SNAPC4: variants seen among roughly 807,000 people sequenced by gnomAD.
SNAPC4 encodes snRNA-activating protein complex subunit 4.
SNAPC4 carries 127 observed loss-of-function variants against 151.3 expected under a neutral mutation model. The ratio of observed to expected loss-of-function variants is 0.84; its 90% confidence interval spans 0.73 to 0.97. SNAPC4 has a LOEUF of 0.97. Among genes scored for constraint, SNAPC4 ranks in the 50% least tolerant of loss-of-function variants. The pLI, the probability that SNAPC4 is intolerant of heterozygous loss-of-function variation, is 0.00. For missense variants in SNAPC4, 2,186 were observed against 1,935.0 expected (o/e 1.13, Z -2.43); for synonymous variants, 1,002 against 824.4 (o/e 1.22, Z -3.69).
chr9:136,388,613 C>T lies in SNAPC4; in HGVS notation c.976-22G>A, dbSNP rs145743815. ...TGGTCTTCCCAGGCCCAAACAAAAGCAAATGAGTGTTACTGCGCGGCAGGA... is the reference window on the plus strand; with the variant it reads ...TGGTCTTCCCAGGCCCAAACAAAAGTAAATGAGTGTTACTGCGCGGCAGGA... On this transcript the variant is annotated intron_variant, in intron 10 of 23. Coordinates refer to ENST00000684778, the MANE Select transcript of SNAPC4 (RefSeq NM_003086.4). 939 of 1,613,702 alleles carry T rather than the reference C, an allele frequency of 5.8e-4. 5 individuals carry two copies. In the African/African-American group the frequency reaches 0.012, roughly 20 times the overall value.
chr9:136,399,015 C>G (rs1328582792), intron 1 of SNAPC4, among the ~76,000 whole-genome samples: 2 of 152,226 alleles, frequency 1.3e-5, no homozygotes, highest in African/African-American at 4.8e-5. Context: ...TCCAGAACAA[C>G]GCCTGGAACG....
chr9:136,396,773 G>A (rs957069788), intron 3 of SNAPC4, among the ~76,000 whole-genome samples: 9 of 152,230 alleles, frequency 5.9e-5, no homozygotes, highest in African/African-American at 1.9e-4. Flanking sequence ...AACCCAAGGG[G>A]TGTGATCACC....
rs61745672 is a variant in SNAPC4, at chr9:136,376,449, G to A, written c.4317C>T (p.Ser1439=). The A allele has an allele frequency of 0.084, 136,221 of 1,613,346 alleles. 6,504 individuals carry two copies. The highest frequency in any genetic ancestry group is 0.1 in the Non-Finnish European group (118,646 of 1,179,840). Residue 1439 remains serine, a synonymous_variant, in exon 23 of 24, where the codon TCC becomes TCT. Coordinates refer to ENST00000684778, the MANE Select transcript of SNAPC4 (RefSeq NM_003086.4). ...GAPDSGKCSA[S]SCLDTSNDPD... ...GGTCATTAGAAGTATCCAGGCAGGA[G>A]GAAGCAGAGCATTTACCAGAGTCTG...
In SNAPC4 at chr9:136,383,392, C is replaced by T; in HGVS notation, c.1777G>A (p.Gly593Ser). The T allele has an allele frequency of 6.3e-7, 1 of 1,584,346 alleles. No homozygotes were observed. Among genetic ancestry groups the T allele is most frequent in the Non-Finnish European group, 8.6e-7 (1 of 1,165,332 alleles). Residue 593 changes from glycine to serine, a missense_variant, in exon 16 of 24, where the codon GGC becomes AGC. Physicochemically the swap from Gly to Ser is moderately conservative, Grantham distance 56 (BLOSUM62 0). Coordinates refer to ENST00000684778, the MANE Select transcript of SNAPC4 (RefSeq NM_003086.4). This position sits in a 1 kb window ranked among gnomAD's most constrained non-coding sequence, Gnocchi z 4.2. Reference sequence around the variant, plus strand: ...GGAGGGCTGAGGGAGGCAGCGGGGCCTCCCAGCCAGGCCCCTGCCCCTCCT... The same window carrying T: ...GGAGGGCTGAGGGAGGCAGCGGGGCTTCCCAGCCAGGCCCCTGCCCCTCCT... The part of the protein sequence containing the change: ...WRGGAGAWLG[G>S]PAASLSPPKG...
intron 10 of SNAPC4, among the ~76,000 whole-genome samples, chr9:136,389,367 T>C (rs1000501133): frequency 1.3e-5 from 2 of 151,736 alleles, no homozygotes; most frequent in African/African-American, 2.4e-5. Flanking sequence ...GGACGTGCTG[T>C]GAGGTTTGCT....
intron 1 of SNAPC4, 35 bp from the exon 2 acceptor site, chr9:136,398,472 C>T: frequency 1.3e-6 from 2 of 1,598,360 alleles, no homozygotes; most frequent in Non-Finnish European, 1.7e-6. Flanking sequence ...TGTTAGAAAC[C>T]AAGACCGTGC....
In SNAPC4 at chr9:136,387,829, C is replaced by T; in HGVS notation, c.1143G>A (p.Gly381=). ...GGTAGATCAGCTGCATGGAGTCTCT[C>T]CCTTCCATATAGTAGACAACTAGGG... ...PYRRIVYYME[G]RDSMQLIYRW... is the part of the protein sequence containing the mutation. The change falls in exon 12 of 24, where the codon GGG becomes GGA. Residue 381 remains glycine, a synonymous_variant. Transcript: ENST00000684778. The T allele has an allele frequency of 1.2e-6, 2 of 1,605,824 alleles. No individual in the cohort carries two copies. The highest frequency in any genetic ancestry group is 8.5e-7 in the Non-Finnish European group (1 of 1,172,712).
At chr9:136,391,637 C>T (rs372200847) in intron 10 of SNAPC4, among the ~76,000 whole-genome samples, 227 of 152,288 alleles carry the variant, frequency 1.5e-3, no homozygotes, top group African/African-American at 5.0e-3. Context: ...AATAAACTCC[C>T]GAGGCTGATG....
In SNAPC4 at chr9:136,383,203, C is replaced by T. The variant is rs1833761842; in HGVS notation, c.1966G>A (p.Glu656Lys). 3.2e-6 allele frequency: 5 copies of T among 1,544,248 alleles called. No individual in the cohort carries two copies. Among genetic ancestry groups the T allele is most frequent in the South Asian group, 1.2e-5 (1 of 80,750 alleles). Residue 656 changes from glutamate (E) to lysine (K), a missense_variant, in exon 16 of 24, where the codon GAG becomes AAG. Coordinates refer to ENST00000684778, the MANE Select transcript of SNAPC4 (RefSeq NM_003086.4). The surrounding 1 kb of genome is among the most constrained non-coding windows in gnomAD (Gnocchi z 4.2). ...GGGCCTACCTCCAGGGCCTGCTTCT[C>T]TGCGCCCGCCGGGCGAGTGTCTGCT... Reference protein sequence around the residue: ...HSADTRPAGAEKQALEGGRRL... With the variant: ...HSADTRPAGAKKQALEGGRRL...
rs772631637 is a variant in SNAPC4, at chr9:136,384,728, T to C, written c.1412A>G (p.Tyr471Cys). The stretch of plus-strand genomic sequence containing the variant: ...AACTGTCAGCAACTTACCGACACCA[T>C]ATTTTTCTATTAATTCAATTAACTG... Reference protein sequence around the residue: ...EEQLIELIEKYGVGHWAKIAS... With the variant: ...EEQLIELIEKCGVGHWAKIAS... Residue 471 changes from tyrosine to cysteine, a missense_variant, in exon 14 of 24, where the codon TAT (tyrosine) becomes TGT (cysteine). Coordinates refer to ENST00000684778, the MANE Select transcript of SNAPC4 (RefSeq NM_003086.4). 1.3e-6 allele frequency: 2 copies of C among 1,510,060 alleles called. No individual in the cohort carries two copies. The highest frequency in any genetic ancestry group is 1.8e-6 in the Non-Finnish European group (2 of 1,100,868). 93.5% of individuals were successfully genotyped at this position (1,510,060 alleles called of 1,614,324 possible). A position where few individuals can be genotyped will look rare whatever the true frequency, so the allele number is the denominator to read the frequency against.
intron 5 of SNAPC4, 75 bp downstream of exon 5, chr9:136,395,223 C>T: frequency 6.5e-7 from 1 of 1,543,536 alleles, no homozygotes; most frequent in Non-Finnish European, 8.8e-7. Context: ...CGACTCCCTG[C>T]AGCAGGACTT....
Position 136,388,723 on chromosome 9 carries a change from T to C in SNAPC4, c.976-132A>G, listed in dbSNP as rs73670246. On this transcript the variant is annotated intron_variant, in intron 10 of 23. Coordinates refer to ENST00000684778, the MANE Select transcript of SNAPC4 (RefSeq NM_003086.4). ...ACCCTTCTGCAGACCCCAGCTCTCC[T>C]CCTCCCAGACTCCTGTGGGCTGATG... The C allele has an allele frequency of 2.3e-3, 2,297 of 998,842 alleles. 29 individuals carry two copies. In the African/African-American group the frequency reaches 0.033, roughly 14 times the overall value. The allele number at this position is 998,842 out of a possible 1,614,324, so 61.9% of individuals were successfully genotyped here. A position where few individuals can be genotyped will look rare whatever the true frequency, so the allele number is the denominator to read the frequency against.
intron 22 of SNAPC4, 52 bp from the exon 23 acceptor site, chr9:136,376,533 TGGAC>T: frequency 6.2e-7 from 1 of 1,604,178 alleles, no homozygotes; most frequent in Middle Eastern, 1.7e-4. Context: ...CGAGCCATGA[TGGAC>T]GGGGAAGGGA....
At chr9:136,377,369 G>C (rs1034300369) in intron 22 of SNAPC4, among the ~76,000 whole-genome samples, 174 bp downstream of exon 22, 2 of 151,844 alleles carry the variant, frequency 1.3e-5, no homozygotes, top group Non-Finnish European at 2.9e-5. Context: ...CACTTCTGCA[G>C]AATCTACACG....
rs148484312 is a variant in SNAPC4 at position 136,385,681 on chromosome 9, G to A, written c.1326-867C>T. ...AGTGATTCTCCTGCCTCAGCCTCCC[G>A]AGTAGCTGGGATTACAGGTGCCCAC... On this transcript the variant is annotated intron_variant, in intron 13 of 23. Coordinates refer to ENST00000684778, the MANE Select transcript of SNAPC4 (RefSeq NM_003086.4). Among the ~76,000 whole-genome samples, 18 of 151,712 alleles carry A rather than the reference G, an allele frequency of 1.2e-4. No individual in the cohort carries two copies. The East Asian group carries it at 2.7e-3, about 23-fold the overall frequency.
chr9:136,394,213 C>G (rs760798499), intron 7 of SNAPC4, 36 bp downstream of exon 7: 20 of 1,558,800 alleles, frequency 1.3e-5, no homozygotes, highest in Non-Finnish European at 1.8e-5. Flanking sequence ...TATGCCCAGC[C>G]TGAAGACCGT....
chr9:136,378,357 G>A lies in SNAPC4; in HGVS notation c.3470C>T (p.Thr1157Ile), dbSNP rs1833546312. 3 of 1,610,438 alleles carry A rather than the reference G, an allele frequency of 1.9e-6. No homozygotes were observed. Among genetic ancestry groups the A allele is most frequent in the Non-Finnish European group, 2.5e-6 (3 of 1,179,118 alleles). Residue 1157 changes from threonine to isoleucine, a missense_variant, in exon 22 of 24, where the codon ACA becomes ATA. Transcript: ENST00000684778. ...SCRTDTPAPPTHALSQSPAEA... is the reference protein window; with the variant it reads ...SCRTDTPAPPIHALSQSPAEA... ...TGCAGGACTTTGGGAGAGGGCGTGT[G>A]TGGGAGGAGCTGGGGTGTCTGTCCT...
chr9:136,384,660 T>A, intron 14 of SNAPC4, 60 bp downstream of exon 14: 1 of 926,074 alleles, frequency 1.1e-6, no homozygotes, highest in Non-Finnish European at 1.7e-6. Context: ...TCTTGATCTC[T>A]TTTCTAAGAA....
At chr9:136,398,601 C>T in intron 1 of SNAPC4, 164 bp from the exon 2 acceptor site, 6 of 743,476 alleles carry the variant, frequency 8.1e-6, no homozygotes, top group Admixed American at 2.7e-5. Flanking sequence ...TCGGGGAACC[C>T]TGGGACAGGA....
Sources: gnomAD v4.1 joint callset for allele counts (sites outside exome capture counted in the v4.1 genomes callset) on GRCh38, gnomAD v4.1.1 for gene constraint, Gnocchi (gnomAD v3.1) non-coding constraint, MANE v1.5 for transcripts, NCBI Gene and HGNC (gene_info 2026-07-23, HGNC 2026-07-21) for gene names.